TTC23: variants seen among roughly 807,000 people sequenced by gnomAD.
TTC23 encodes tetratricopeptide repeat protein 23.
In TTC23, 58 loss-of-function variants were observed where a neutral mutation model predicts 55.1. That is an observed-to-expected ratio of 1.05 (90% CI 0.85 to 1.31). The LOEUF is 1.31. Among genes scored for constraint, TTC23 ranks in the 50% most tolerant of loss-of-function variants. The pLI is 0.00. For synonymous variants in TTC23, 203 were observed against 199.9 expected (o/e 1.02, Z -0.13); for missense variants, 516 against 534.4 (o/e 0.97, Z 0.34).
intron 9 of TTC23, among the ~76,000 whole-genome samples, chr15:99,182,803 T>A (rs1197633182): frequency 6.7e-6 from 1 of 149,702 alleles, no homozygotes; most frequent in Non-Finnish European, 1.5e-5. Context: ...ACATGTATCA[T>A]TTTTTAAAAA....
chr15:99,140,669 C>T (rs1309612512), intron 12 of TTC23: 11 of 152,012 alleles, frequency 7.2e-5, no homozygotes, highest in Admixed American at 2.0e-4. Context: ...CATGCCTGAC[C>T]GGAAAATACG....
At chr15:99,220,951 T>A (rs991271033) in intron 6 of TTC23, among the ~76,000 whole-genome samples, 1 of 152,190 alleles carries the variant, frequency 6.6e-6, no homozygotes, top group African/African-American at 2.4e-5. Context: ...ATCCATGAGA[T>A]GTGGCGAAGG....
intron 3 of TTC23, among the ~76,000 whole-genome samples, chr15:99,236,593 G>A (rs2079337846): frequency 6.6e-6 from 1 of 151,442 alleles, no homozygotes; most frequent in East Asian, 1.9e-4. Context: ...AATCTCTGTT[G>A]CCCCGGCTGG....
At chr15:99,197,145 C>T (rs1051034679) in intron 9 of TTC23, among the ~76,000 whole-genome samples, 5 of 151,892 alleles carry the variant, frequency 3.3e-5, no homozygotes, top group Admixed American at 2.6e-4. Flanking sequence ...CTCCAACGCC[C>T]AGGCTGGAAT....
chr15:99,182,740 T>G (rs1381131643), intron 9 of TTC23, among the ~76,000 whole-genome samples: 3 of 152,116 alleles, frequency 2.0e-5, no homozygotes, highest in African/African-American at 7.2e-5. Context: ...CTGAGGTGAC[T>G]GGTGGCATAT....
At chr15:99,194,001 C>A (rs895029532) in intron 9 of TTC23, among the ~76,000 whole-genome samples, 1 of 150,336 alleles carries the variant, frequency 6.7e-6, no homozygotes, top group African/African-American at 2.5e-5. Context: ...AAGAGCAAGA[C>A]TCTATCTCAA....
intron 8 of TTC23, among the ~76,000 whole-genome samples, chr15:99,203,985 A>G (rs2076406205): frequency 6.6e-6 from 1 of 152,082 alleles, no homozygotes. Context: ...TGATATACTG[A>G]TTTCCTTTTT....
intron 8 of TTC23, among the ~76,000 whole-genome samples, chr15:99,212,260 A>G (rs1297926210): frequency 6.8e-6 from 1 of 146,514 alleles, no homozygotes; most frequent in Non-Finnish European, 1.5e-5. Flanking sequence ...TTAAAGAGGG[A>G]TGTGTGTGTG....
At chr15:99,203,908 ATGTTG>A (rs2076400385) in intron 8 of TTC23, among the ~76,000 whole-genome samples, 1 of 152,038 alleles carries the variant, frequency 6.6e-6, no homozygotes, top group Admixed American at 6.6e-5. Flanking sequence ...ATTGACACTT[ATGTTG>A]AGTCCTAGGT....
chr15:99,216,769 G>T (rs531689241), intron 8 of TTC23, among the ~76,000 whole-genome samples: 2 of 152,338 alleles, frequency 1.3e-5, no homozygotes, highest in East Asian at 3.9e-4. Flanking sequence ...AAGTAGGAAT[G>T]CAAATGCAGA....
At chr15:99,234,257 C>A (rs947750435) in intron 4 of TTC23, among the ~76,000 whole-genome samples, 1 of 152,162 alleles carries the variant, frequency 6.6e-6, no homozygotes, top group Non-Finnish European at 1.5e-5. Context: ...AAAATATTTT[C>A]ATAAACATGT....
At chr15:99,184,583 G>T (rs959005742) in intron 9 of TTC23, among the ~76,000 whole-genome samples, 11 of 152,162 alleles carry the variant, frequency 7.2e-5, no homozygotes, top group Admixed American at 7.2e-4. Context: ...CATTTTGAAC[G>T]GGTGTATTTA....
At chr15:99,154,837 T>C (rs1286144375) in intron 12 of TTC23, among the ~76,000 whole-genome samples, 1 of 152,166 alleles carries the variant, frequency 6.6e-6, no homozygotes, top group African/African-American at 2.4e-5. Flanking sequence ...ACCTTAGTTC[T>C]AAAACCAGCA....
intron 1 of TTC23, among the ~76,000 whole-genome samples, chr15:99,247,281 A>G (rs780208300): frequency 1.9e-4 from 29 of 152,180 alleles, no homozygotes; most frequent in Non-Finnish European, 3.7e-4. Flanking sequence ...AGTTACACCC[A>G]GAGTTACCAT....
chr15:99,212,040 T>C (rs1042769574), intron 8 of TTC23, among the ~76,000 whole-genome samples: 1 of 152,128 alleles, frequency 6.6e-6, no homozygotes, highest in Non-Finnish European at 1.5e-5. Flanking sequence ...TAGAAATACT[T>C]GGGAGGCGTC....
Position 99,221,587 on chromosome 15 carries a change from T to C in TTC23, c.304+154A>G, listed in dbSNP as rs201697058. 2.2e-4 allele frequency among the ~76,000 whole-genome samples: 33 copies of C among 152,354 alleles called. No individual in the cohort carries two copies. The East Asian group carries it at 3.1e-3, about 14-fold the overall frequency. On this transcript the variant is annotated intron_variant, in intron 6 of 13. Transcript: ENST00000394132. ...CCCCTTTGAATGTTTACAGGTTATATACCTTATCAACTCTTTCTAAAAAGA... is the reference window on the plus strand; with the variant it reads ...CCCCTTTGAATGTTTACAGGTTATACACCTTATCAACTCTTTCTAAAAAGA...
intron 8 of TTC23, among the ~76,000 whole-genome samples, chr15:99,206,824 T>G (rs1244436027): frequency 6.6e-6 from 1 of 151,796 alleles, no homozygotes. Context: ...CTTGGATTTT[T>G]ATTATTTTTT....
intron 8 of TTC23, among the ~76,000 whole-genome samples, chr15:99,207,912 T>C (rs1295169576): frequency 2.0e-5 from 3 of 152,152 alleles, no homozygotes; most frequent in African/African-American, 7.2e-5. Flanking sequence ...TCCAGTAAAA[T>C]TGAAGATGCA....
intron 6 of TTC23, among the ~76,000 whole-genome samples, chr15:99,221,429 T>C (rs949306743): frequency 2.6e-5 from 4 of 152,322 alleles, no homozygotes; most frequent in East Asian, 1.9e-4. Flanking sequence ...CCCTATTCCA[T>C]ACCTTGGGTT....
Sources: gnomAD v4.1 joint callset for allele counts (sites outside exome capture counted in the v4.1 genomes callset) on GRCh38, gnomAD v4.1.1 for gene constraint, MANE v1.5 for transcripts, NCBI Gene and HGNC (gene_info 2026-07-23, HGNC 2026-07-21) for gene names.